Variants in ASTN2 observed in about 807,000 individuals in gnomAD.
ASTN2 encodes astrotactin 2.
A neutral mutation model predicts 139.8 loss-of-function variants in ASTN2; 54 were observed. The observed-to-expected ratio is 0.39, with a 90% CI of 0.31 to 0.48. ASTN2 has a LOEUF of 0.48. Among genes scored for constraint, ASTN2 ranks in the 20% least tolerant of loss-of-function variants. ASTN2 has a pLI of 0.95. For synonymous variants in ASTN2, 756 were observed against 719.5 expected, an observed-to-expected ratio of 1.05 and a Z score of -0.81; for missense variants, 1,565 against 1,725.1, an observed-to-expected ratio of 0.91 and a Z score of 1.64.
chr9:116,601,069 A>G (rs959394844), intron 19 of ASTN2, among the ~76,000 whole-genome samples: 4 of 152,246 alleles, frequency 2.6e-5, no homozygotes, highest in African/African-American at 9.6e-5. Flanking sequence ...GAGAATTGTA[A>G]TAAGTGCTAC....
In ASTN2 at chr9:117,242,048, A is replaced by G. The variant is rs1382280158; in HGVS notation, c.631-27306T>C. 2.6e-5 allele frequency among the ~76,000 whole-genome samples: 3 copies of G among 114,720 alleles called. No homozygotes were observed. The East Asian group carries it at 7.9e-4, about 30-fold the overall frequency. 75.3% of individuals were successfully genotyped at this position (114,720 alleles called of 152,430 possible). ...TTTTTTTTTTTTAGCTGAGTGGCCC[A>G]ATTGCAGACAAAATGAGACTCATCT... is the stretch of plus-strand genomic sequence containing the variant. On this transcript the variant is annotated intron_variant, in intron 2 of 22. Transcript: ENST00000313400.
rs1294204627 is a variant in ASTN2 at position 116,565,381 on chromosome 9, CTCTCTCCATATATATATATATATATATA to C, written c.3355+52915_3355+52942del. On this transcript the variant is annotated intron_variant, in intron 19 of 22. Coordinates refer to ENST00000313400, the MANE Select transcript of ASTN2 (RefSeq NM_001365068.1). The stretch of plus-strand genomic sequence containing the variant: ...TCTCTCTCTCTCTCTCTCTCTCTCT[CTCTCTCCATATATATATATATATATATA>C]TATATATATATATATATATATTTAT... Among the ~76,000 whole-genome samples the C allele has an allele frequency of 1.4e-3, 50 of 34,726 alleles. 1 individual carries two copies. The highest frequency in any genetic ancestry group is 6.3e-3 in the African/African-American group (44 of 7,010). The allele number at this position is 34,726 out of a possible 152,430, so 22.8% of individuals were successfully genotyped here. A position where few individuals can be genotyped will look rare whatever the true frequency, so the allele number is the denominator to read the frequency against.
chr9:116,728,126 G>T (rs2132119691), intron 15 of ASTN2, among the ~76,000 whole-genome samples: 1 of 152,170 alleles, frequency 6.6e-6, no homozygotes, highest in East Asian at 1.9e-4. Flanking sequence ...TTATTTTTCA[G>T]TCTTCATTTA....
chr9:116,924,367 T>TTACAGTGAG (rs1834696200), intron 10 of ASTN2, among the ~76,000 whole-genome samples: 1 of 147,084 alleles, frequency 6.8e-6, no homozygotes, highest in Non-Finnish European at 1.5e-5. Context: ...GAGGCAGAGG[T>TTACAGTGAG]TACAGTGAGT....
chr9:116,615,685 T>C (rs183639117), intron 19 of ASTN2, among the ~76,000 whole-genome samples: 319 of 134,366 alleles, frequency 2.4e-3, no homozygotes, highest in African/African-American at 8.6e-3. Context: ...TGAGAACACT[T>C]GGACATAGGG....
At chr9:117,286,246 G>GA (rs1480591508) in intron 2 of ASTN2, among the ~76,000 whole-genome samples, 7 of 150,824 alleles carry the variant, frequency 4.6e-5, no homozygotes, top group African/African-American at 1.2e-4. Context: ...AAAGCAAAAT[G>GA]AAAAAAACAA....
chr9:116,487,285 A>C (rs1340578140), intron 20 of ASTN2, 74 bp downstream of exon 20: 14 of 1,568,378 alleles, frequency 8.9e-6, no homozygotes, highest in Non-Finnish European at 1.1e-5. Flanking sequence ...TGCACAGAAT[A>C]ACTCATGCCA....
At chr9:117,248,742 G>A (rs1833454715) in intron 2 of ASTN2, among the ~76,000 whole-genome samples, 1 of 152,210 alleles carries the variant, frequency 6.6e-6, no homozygotes, top group South Asian at 2.1e-4. Flanking sequence ...GTGGCATATA[G>A]TGCAAACCCC....
chr9:117,329,115 C>T (rs1828616035), intron 1 of ASTN2, among the ~76,000 whole-genome samples: 1 of 148,470 alleles, frequency 6.7e-6, no homozygotes, highest in South Asian at 2.2e-4. Context: ...TCAGGGAAGA[C>T]TTCTAGGAAG....
chr9:117,242,238 C>T (rs1445955017), intron 2 of ASTN2, among the ~76,000 whole-genome samples: 1 of 151,968 alleles, frequency 6.6e-6, no homozygotes, highest in Non-Finnish European at 1.5e-5. Flanking sequence ...CTACATCCTC[C>T]CAAGCATTCC....
At chr9:116,701,097 G>T (rs1331352644) in intron 16 of ASTN2, 2 of 167,066 alleles carry the variant, frequency 1.2e-5, no homozygotes, top group African/African-American at 2.4e-5. Flanking sequence ...GTTCCTGAGG[G>T]TTTGGTGTTT....
At chr9:116,636,634 ATTGCACACTCCAG>A (rs903800531) in intron 17 of ASTN2, among the ~76,000 whole-genome samples, 3 of 152,018 alleles carry the variant, frequency 2.0e-5, no homozygotes, top group Non-Finnish European at 4.4e-5. Flanking sequence ...GTGAGCTGAG[ATTGCACACTCCAG>A]CCTGGGCGAC....
Position 117,223,160 on chromosome 9 carries a change from T to C in ASTN2, c.631-8418A>G, listed in dbSNP as rs1008900110. Among the ~76,000 whole-genome samples, 31 of 152,126 alleles carry C rather than the reference T, an allele frequency of 2.0e-4. 1 individual carries two copies. Among genetic ancestry groups the C allele is most frequent in the Non-Finnish European group, 2.4e-4 (16 of 68,024 alleles). On this transcript the variant is annotated intron_variant, in intron 2 of 22. Transcript: ENST00000313400. ...CTTGGAAAGATCATAGTGGGCATGA[T>C]GGGGAGATTGAAAACAGGGATACCA...
intron 1 of ASTN2, among the ~76,000 whole-genome samples, chr9:117,413,471 G>A (rs938789982): frequency 6.6e-6 from 1 of 152,228 alleles, no homozygotes; most frequent in Non-Finnish European, 1.5e-5. Flanking sequence ...CCCCCAAGAG[G>A]GGAGGGGAGA....
At chr9:117,091,175 G>A (rs935789862) in intron 5 of ASTN2, among the ~76,000 whole-genome samples, 2 of 152,190 alleles carry the variant, frequency 1.3e-5, no homozygotes, top group South Asian at 2.1e-4. Context: ...GGCATAAAGC[G>A]AGACAAAACA....
intron 10 of ASTN2, among the ~76,000 whole-genome samples, chr9:116,919,679 C>G (rs531791968): frequency 7.3e-6 from 1 of 136,654 alleles, no homozygotes; most frequent in African/African-American, 2.9e-5. Flanking sequence ...AGAGCAGTAG[C>G]TCACACCTGT....
At chr9:117,391,348 A>G (rs1447730657) in intron 1 of ASTN2, among the ~76,000 whole-genome samples, 1 of 152,224 alleles carries the variant, frequency 6.6e-6, no homozygotes, top group Non-Finnish European at 1.5e-5. Context: ...TATTGGATTT[A>G]CAGTTCCACA....
intron 19 of ASTN2, among the ~76,000 whole-genome samples, chr9:116,597,235 T>C (rs1283886480): frequency 1.3e-5 from 2 of 151,304 alleles, no homozygotes; most frequent in African/African-American, 2.4e-5. Context: ...GGCATTGTGA[T>C]CCAACTCTTT....
chr9:117,296,143 T>C (rs1438240600), intron 1 of ASTN2, among the ~76,000 whole-genome samples: 1 of 151,572 alleles, frequency 6.6e-6, no homozygotes, highest in Admixed American at 6.6e-5. Context: ...CCAGGCATGG[T>C]GGCATACACC....
Sources: gnomAD v4.1 joint callset for allele counts (sites outside exome capture counted in the v4.1 genomes callset) on GRCh38, gnomAD v4.1.1 for gene constraint, MANE v1.5 for transcripts, NCBI Gene and HGNC (gene_info 2026-07-23, HGNC 2026-07-21) for gene names.